Variants in UBR2 observed in about 807,000 individuals in gnomAD.
The protein encoded by UBR2 is E3 ubiquitin-protein ligase UBR2.
UBR2 carries 92 observed loss-of-function variants against 247.9 expected under a neutral mutation model. That is an observed-to-expected ratio of 0.37 (90% CI 0.31 to 0.44). UBR2 has a LOEUF of 0.44. Among genes scored for constraint, UBR2 ranks in the 20% least tolerant of loss-of-function variants. The pLI is 1.00. For missense variants in UBR2, 1,613 were observed against 2,112.6 expected, an observed-to-expected ratio of 0.76 and a Z score of 4.64; for synonymous variants, 672 against 693.5, an observed-to-expected ratio of 0.97 and a Z score of 0.49.
chr6:42,669,070 T>G (rs1182198836), intron 34 of UBR2, among the ~76,000 whole-genome samples: 2 of 152,048 alleles, frequency 1.3e-5, no homozygotes, highest in East Asian at 3.9e-4. Context: ...ACTACAGGCA[T>G]GCACCACCAT....
intron 25 of UBR2, among the ~76,000 whole-genome samples, chr6:42,654,840 A>G (rs959358383): frequency 6.6e-6 from 1 of 152,272 alleles, no homozygotes; most frequent in Non-Finnish European, 1.5e-5. Context: ...TATAAAGTTT[A>G]TAAATGATAA....
chr6:42,682,272 T>A (rs1799101025), intron 42 of UBR2, among the ~76,000 whole-genome samples: 1 of 152,086 alleles, frequency 6.6e-6, no homozygotes, highest in South Asian at 2.1e-4. Flanking sequence ...AATTTTGCAT[T>A]TAATGAGTAC....
At chr6:42,677,795 A>T (rs1023767477) in intron 40 of UBR2, among the ~76,000 whole-genome samples, 2 of 152,192 alleles carry the variant, frequency 1.3e-5, no homozygotes, top group Non-Finnish European at 2.9e-5. Context: ...GTACACTCTG[A>T]TATTATTTAT....
Position 42,644,616 on chromosome 6 carries a change from GTTTCC to G in UBR2, c.2284+84_2284+88del, listed in dbSNP as rs990234531. The G allele has an allele frequency of 8.3e-6, 10 of 1,201,250 alleles. No homozygotes were observed. In the African/African-American group the frequency reaches 1.4e-4, roughly 16 times the overall value. 74.4% of individuals were successfully genotyped at this position (1,201,250 alleles called of 1,614,324 possible). A position where few individuals can be genotyped will look rare whatever the true frequency, so the allele number is the denominator to read the frequency against. On this transcript the variant is annotated intron_variant, in intron 20 of 46. Coordinates refer to ENST00000372901, the MANE Select transcript of UBR2 (RefSeq NM_001363705.2). ...AAATAGTTTGGAATTTCTGGCCTGT[GTTTCC>G]TTTGTTTTGAGAGGATGCTCAGTCT...
At position 42,630,000 on chromosome 6, in the gene UBR2, C is replaced by A. The variant is rs1230011256; in HGVS notation, c.1282-2552C>A. ...CTGGCCTCGAAATCCTGAGCTCAAG[C>A]AGTCCTCAACCTCAGCCTCACAAGT... On this transcript the variant is annotated intron_variant, in intron 11 of 46. Transcript: ENST00000372901. Among the ~76,000 whole-genome samples, 3 of 151,852 alleles carry A rather than the reference C, an allele frequency of 2.0e-5. No individual in the cohort carries two copies. The East Asian group carries it at 5.8e-4, about 29-fold the overall frequency.
At chr6:42,666,339 A>T in intron 34 of UBR2, 94 bp downstream of exon 34, 4 of 1,057,192 alleles carry the variant, frequency 3.8e-6, no homozygotes, top group Non-Finnish European at 5.6e-6. Context: ...CAAGTGAGGG[A>T]GCAAAATGTT....
chr6:42,572,472 TA>T (rs1052579203), intron 1 of UBR2, among the ~76,000 whole-genome samples: 2 of 92,886 alleles, frequency 2.2e-5, no homozygotes, highest in African/African-American at 1.0e-4. Context: ...TTTTTTTTTT[TA>T]AATAAAAATG....
At chr6:42,652,784 G>C (rs895534270) in intron 25 of UBR2, 139 bp downstream of exon 25, 3 of 805,710 alleles carry the variant, frequency 3.7e-6, no homozygotes, top group African/African-American at 3.6e-5. Flanking sequence ...TACTGCTTTT[G>C]TGTCTGACAG....
chr6:42,666,358 C>T, intron 34 of UBR2, 113 bp downstream of exon 34: 1 of 823,422 alleles, frequency 1.2e-6, no homozygotes, highest in Admixed American at 2.5e-5. Context: ...TTATAGGATA[C>T]TGATCTTTAG....
chr6:42,659,536 CACACACACACACACACACACACACACT>C lies in UBR2; in HGVS notation c.3243-104_3243-78del, dbSNP rs1361302042. ...AAATATATATACACACACACACACA[CACACACACACACACACACACACACACT>C]ACACACACACACACATACCTGTAGT... On this transcript the variant is annotated intron_variant, in intron 29 of 46. Coordinates refer to ENST00000372901, the MANE Select transcript of UBR2 (RefSeq NM_001363705.2). The surrounding 1 kb of genome is among the most constrained non-coding windows in gnomAD (Gnocchi z 4.3). The C allele has an allele frequency of 1.5e-5, 10 of 649,924 alleles. No individual in the cohort carries two copies. The highest frequency in any genetic ancestry group is 2.1e-5 in the Non-Finnish European group (8 of 387,056). 40.3% of individuals were successfully genotyped at this position (649,924 alleles called of 1,614,324 possible).
At chr6:42,638,363 AT>A in intron 15 of UBR2, among the ~76,000 whole-genome samples, 1 of 151,566 alleles carries the variant, frequency 6.6e-6, no homozygotes, top group South Asian at 2.1e-4. Flanking sequence ...TTCTGAAGGC[AT>A]TTTTTTTCAT....
chr6:42,640,064 A>G, intron 15 of UBR2, 145 bp from the exon 16 acceptor site: 1 of 645,002 alleles, frequency 1.6e-6, no homozygotes, highest in South Asian at 1.9e-5. Flanking sequence ...TTATGAATAT[A>G]GATCATTTTC....
At chr6:42,669,642 C>T (rs1248534426) in intron 34 of UBR2, among the ~76,000 whole-genome samples, 1 of 152,134 alleles carries the variant, frequency 6.6e-6, no homozygotes, top group Non-Finnish European at 1.5e-5. Context: ...ATAAGGATAC[C>T]TGGTGGACAG....
intron 1 of UBR2, among the ~76,000 whole-genome samples, chr6:42,567,526 A>G (rs896279516): frequency 6.6e-6 from 1 of 152,146 alleles, no homozygotes; most frequent in South Asian, 2.1e-4. Context: ...GTCAAGAGAT[A>G]GAGACCATCC....
intron 26 of UBR2, among the ~76,000 whole-genome samples, chr6:42,657,730 C>A (rs951730710): frequency 6.6e-6 from 1 of 152,180 alleles, no homozygotes. Flanking sequence ...ATCTGAGACA[C>A]CACTTATTTT....
intron 45 of UBR2, 106 bp downstream of exon 45, chr6:42,688,492 C>T (rs541411595): frequency 1.1e-5 from 14 of 1,317,262 alleles, no homozygotes; most frequent in African/African-American, 5.9e-5. Context: ...ACTACTGTTC[C>T]GTGTGATTCA....
chr6:42,626,488 C>T (rs1412462511), intron 11 of UBR2, among the ~76,000 whole-genome samples: 1 of 152,188 alleles, frequency 6.6e-6, no homozygotes, highest in African/African-American at 2.4e-5. Flanking sequence ...CTGCTGTCCT[C>T]AGTTGCCTTC....
chr6:42,612,479 A>G (rs1293950460), intron 8 of UBR2, among the ~76,000 whole-genome samples, 188 bp downstream of exon 8: 1 of 152,238 alleles, frequency 6.6e-6, no homozygotes, highest in Non-Finnish European at 1.5e-5. Context: ...CATACTGGAT[A>G]TTTTTTATAT....
intron 7 of UBR2, among the ~76,000 whole-genome samples, chr6:42,607,722 T>TG (rs941093211): frequency 5.1e-5 from 7 of 135,930 alleles, no homozygotes; most frequent in African/African-American, 8.5e-5. Context: ...GTTTTTTTTT[T>TG]TTTTTTTTTT....
Sources: gnomAD v4.1 joint callset for allele counts (sites outside exome capture counted in the v4.1 genomes callset) on GRCh38, gnomAD v4.1.1 for gene constraint, Gnocchi (gnomAD v3.1) non-coding constraint, MANE v1.5 for transcripts, NCBI Gene and HGNC (gene_info 2026-07-23, HGNC 2026-07-21) for gene names.